Variants in ZNF521 observed in about 807,000 individuals in gnomAD.
ZNF521 encodes the protein zinc finger protein 521, also known as LYST-interacting protein 3.
A neutral mutation model predicts 105.5 loss-of-function variants in ZNF521; 14 were observed. The ratio of observed to expected loss-of-function variants is 0.13; its 90% CI spans 0.09 to 0.21. The LOEUF (loss-of-function observed/expected upper bound fraction) is 0.21, where lower values mean the gene tolerates loss of function less well. ZNF521 is among the 10% of genes least tolerant of loss of function. The pLI is 1.00. For synonymous variants in ZNF521, 635 were observed against 606.0 expected (o/e 1.05, Z -0.70); for missense variants, 1,233 against 1,629.7 (o/e 0.76, Z 4.19).
chr18:25,105,819 C>T (rs1490460900), intron 5 of ZNF521, among the ~76,000 whole-genome samples: 1 of 152,154 alleles, frequency 6.6e-6, no homozygotes, highest in Non-Finnish European at 1.5e-5. Flanking sequence ...GCTTAGTTTA[C>T]TGGGTCCCTA....
chr18:25,331,134 T>C (rs1280129467), intron 2 of ZNF521, among the ~76,000 whole-genome samples: 2 of 152,228 alleles, frequency 1.3e-5, no homozygotes, highest in African/African-American at 4.8e-5. Context: ...TTGAATCTCA[T>C]ATAGTCTCTA....
intron 7 of ZNF521, among the ~76,000 whole-genome samples, chr18:25,086,190 C>T (rs1416384118): frequency 6.6e-6 from 1 of 152,022 alleles, no homozygotes; most frequent in Non-Finnish European, 1.5e-5. Flanking sequence ...GGTTATAGAT[C>T]CTATTTTCTA....
intron 3 of ZNF521, among the ~76,000 whole-genome samples, chr18:25,249,096 C>T (rs1358381221): frequency 6.6e-6 from 1 of 151,946 alleles, no homozygotes; most frequent in Non-Finnish European, 1.5e-5. Flanking sequence ...ATTAACAACC[C>T]TCTCTCACAT....
chr18:25,304,364 C>G (rs1911847601), intron 3 of ZNF521, among the ~76,000 whole-genome samples: 2 of 152,152 alleles, frequency 1.3e-5, no homozygotes, highest in African/African-American at 4.8e-5. Context: ...TAAACTCTAC[C>G]CTACCTGATT....
chr18:25,289,853 A>G (rs1414236550), intron 3 of ZNF521, among the ~76,000 whole-genome samples: 1 of 152,242 alleles, frequency 6.6e-6, no homozygotes, highest in Non-Finnish European at 1.5e-5. Context: ...ATAAAAGTGT[A>G]GCTCTGTGTG....
At chr18:25,097,963 G>C (rs890296480) in intron 5 of ZNF521, among the ~76,000 whole-genome samples, 1 of 152,144 alleles carries the variant, frequency 6.6e-6, no homozygotes, top group Non-Finnish European at 1.5e-5. Context: ...GTACCCAGCA[G>C]ATTTTAAAGA....
chr18:25,157,146 C>G (rs575668884), intron 5 of ZNF521, among the ~76,000 whole-genome samples: 1 of 151,908 alleles, frequency 6.6e-6, no homozygotes, highest in Admixed American at 6.6e-5. Context: ...TGCAGTGAGC[C>G]GAGATTGCAC....
intron 5 of ZNF521, among the ~76,000 whole-genome samples, chr18:25,167,752 T>A (rs1750564238): frequency 6.6e-6 from 1 of 152,166 alleles, no homozygotes; most frequent in Non-Finnish European, 1.5e-5. Flanking sequence ...GCTCTGTGGC[T>A]TTGTGCCCCA....
chr18:25,088,197 C>T (rs942963827), intron 7 of ZNF521, among the ~76,000 whole-genome samples: 1 of 151,918 alleles, frequency 6.6e-6, no homozygotes, highest in African/African-American at 2.4e-5. Context: ...CTCATAATAA[C>T]AGAATAATTT....
At chr18:25,222,354 T>C (rs956948600) in intron 4 of ZNF521, among the ~76,000 whole-genome samples, 1 of 152,230 alleles carries the variant, frequency 6.6e-6, no homozygotes, top group African/African-American at 2.4e-5. Context: ...ACTTAATGTG[T>C]AAATACTATT....
chr18:25,113,903 C>T (rs993083311), intron 5 of ZNF521, among the ~76,000 whole-genome samples: 4 of 151,940 alleles, frequency 2.6e-5, no homozygotes, highest in African/African-American at 9.7e-5. Flanking sequence ...AAACCCAGTA[C>T]AATTTCCTAA....
chr18:25,092,166 T>C, intron 5 of ZNF521, 85 bp from the exon 6 acceptor site: 4 of 1,507,982 alleles, frequency 2.7e-6, no homozygotes, highest in Non-Finnish European at 3.6e-6. Flanking sequence ...TTGCATATAT[T>C]AAACTATTTC....
intron 3 of ZNF521, among the ~76,000 whole-genome samples, chr18:25,243,482 A>G (rs1253501909): frequency 1.3e-5 from 2 of 152,234 alleles, no homozygotes; most frequent in Non-Finnish European, 2.9e-5. Flanking sequence ...TCAGAACTGG[A>G]TATCAAAGCT....
At chr18:25,173,807 T>C (rs2035489341) in intron 5 of ZNF521, among the ~76,000 whole-genome samples, 1 of 152,204 alleles carries the variant, frequency 6.6e-6, no homozygotes, top group Admixed American at 6.5e-5. Context: ...GAACATCCAC[T>C]TGAAACACTG....
At chr18:25,121,494 G>T (rs1476564226) in intron 5 of ZNF521, among the ~76,000 whole-genome samples, 1 of 151,860 alleles carries the variant, frequency 6.6e-6, no homozygotes, top group African/African-American at 2.4e-5. Context: ...CTTGCGATCT[G>T]CCCTCCTTGG....
In ZNF521 at chr18:25,227,140, C is replaced by A. The variant is rs1375323909; in HGVS notation, c.778G>T (p.Asp260Tyr). 1.2e-6 allele frequency: 2 copies of A among 1,614,128 alleles called. No homozygotes were observed. The highest frequency in any genetic ancestry group is 4.5e-5 in the East Asian group (2 of 44,876). Reference sequence around the variant, plus strand: ...CACTCTGCAATGTGTTTTTGGAGGTCTTCCGGGAAGTCAAAGCCTTCCTCA... The same window carrying A: ...CACTCTGCAATGTGTTTTTGGAGGTATTCCGGGAAGTCAAAGCCTTCCTCA... ...QCEEGFDFPE[D>Y]LQKHIAECHP... is the part of the protein sequence containing the mutation. The change falls in exon 4 of 8, where the codon GAC becomes TAC. Residue 260 changes from aspartate to tyrosine, a missense_variant. By Grantham distance (160) the Asp-to-Tyr change is radical. Coordinates refer to ENST00000361524, the MANE Select transcript of ZNF521 (RefSeq NM_015461.3). This position sits in a 1 kb window ranked among gnomAD's most constrained non-coding sequence, Gnocchi z 5.7.
chr18:25,269,649 C>A (rs1295672209), intron 3 of ZNF521, among the ~76,000 whole-genome samples: 1 of 152,164 alleles, frequency 6.6e-6, no homozygotes, highest in Middle Eastern at 3.2e-3. Context: ...CTCAAAACTG[C>A]ACAACTACAT....
chr18:25,103,921 A>T (rs2034020510), intron 5 of ZNF521, among the ~76,000 whole-genome samples: 1 of 152,146 alleles, frequency 6.6e-6, no homozygotes. Context: ...GTGATGAAGA[A>T]GTAGATGTCT....
chr18:25,271,458 A>T (rs1276234628), intron 3 of ZNF521, among the ~76,000 whole-genome samples: 2 of 152,228 alleles, frequency 1.3e-5, no homozygotes, highest in Non-Finnish European at 2.9e-5. Flanking sequence ...CTGCATAGCC[A>T]TGACAATCCT....
Sources: allele counts gnomAD v4.1 joint callset (sites outside exome capture counted in the v4.1 genomes callset), GRCh38; gene constraint gnomAD v4.1.1; non-coding constraint Gnocchi (gnomAD v3.1); transcripts MANE v1.5; gene names NCBI Gene and HGNC (gene_info 2026-07-23, HGNC 2026-07-21).